The following CHMP5 variants were observed in gnomAD, a reference collection of about 807,000 sequenced individuals.
CHMP5 encodes the protein SNF7 domain containing 2.
Under a neutral mutation model 33.0 loss-of-function variants are expected in CHMP5, and 17 were observed. The observed-to-expected ratio is 0.52, with a 90% CI of 0.35 to 0.77. The LOEUF is 0.77. Among genes scored for constraint, CHMP5 ranks in the 30% least tolerant of loss-of-function variants. The pLI is 0.01. For missense variants in CHMP5, 216 were observed against 261.5 expected (o/e 0.83, Z 1.20); for synonymous variants, 76 against 90.2 (o/e 0.84, Z 0.89).
At position 33,266,053 on chromosome 9, in the gene CHMP5, T is replaced by G. The variant is rs1418455553; in HGVS notation, c.113T>G (p.Leu38Trp). The G allele has an allele frequency of 6.2e-7, 1 of 1,613,472 alleles. No individual in the cohort carries two copies. Among genetic ancestry groups the G allele is most frequent in the Admixed American group, 1.7e-5 (1 of 60,006 alleles). ...AESIDKKISR[L>W]DAELVKYKDQ... ...TCCATTGACAAGAAGATTTCTCGAT[T>G]GGATGCTGAGCTAGTGAAGTATAAG... The change falls in exon 2 of 8, where the codon TTG becomes TGG. Residue 38 changes from leucine to tryptophan, a missense_variant. Transcript: ENST00000223500.
intron 7 of CHMP5, among the ~76,000 whole-genome samples, chr9:33,280,459 A>G (rs1198799609): frequency 6.6e-6 from 1 of 152,242 alleles, no homozygotes; most frequent in African/African-American, 2.4e-5. Context: ...GTATTGGTCC[A>G]GAGTGAAAAT....
chr9:33,275,175 C>T (rs1011945745), intron 5 of CHMP5, among the ~76,000 whole-genome samples: 2 of 152,094 alleles, frequency 1.3e-5, no homozygotes, highest in African/African-American at 2.4e-5. Flanking sequence ...AAACGAGGAT[C>T]GAAAATATAG....
chr9:33,274,139 A>G (rs993633405), intron 5 of CHMP5, among the ~76,000 whole-genome samples: 1 of 151,784 alleles, frequency 6.6e-6, no homozygotes. Flanking sequence ...ATAGTGACTC[A>G]GTCTCAGCTC....
At chr9:33,272,337 G>A (rs1161697741) in intron 5 of CHMP5, among the ~76,000 whole-genome samples, 3 of 150,628 alleles carry the variant, frequency 2.0e-5, no homozygotes, top group African/African-American at 7.3e-5. Context: ...TGCCATGGTT[G>A]GTGCTCAGAA....
intron 7 of CHMP5, among the ~76,000 whole-genome samples, chr9:33,280,269 G>T (rs181201808): frequency 6.6e-6 from 1 of 152,118 alleles, no homozygotes; most frequent in Non-Finnish European, 1.5e-5. Flanking sequence ...GAGCCACCGC[G>T]CCCGGCCTGT....
At position 33,265,055 on chromosome 9, in the gene CHMP5, T is replaced by C; in HGVS notation, c.-24T>C. On this transcript the variant is annotated 5_prime_UTR_variant, in exon 1 of 8. Coordinates refer to ENST00000223500, the MANE Select transcript of CHMP5 (RefSeq NM_016410.6). ...CCGTTTCTGGTTTTGCTCTAGTGTT[T>C]GGGTTTCTTCGCGGCTGCTCAAGAT... The C allele has an allele frequency of 3.1e-6, 5 of 1,614,150 alleles. No individual in the cohort carries two copies. Among genetic ancestry groups the C allele is most frequent in the Non-Finnish European group, 4.2e-6 (5 of 1,179,950 alleles).
At chr9:33,277,426 C>T (rs1444349931) in intron 6 of CHMP5, among the ~76,000 whole-genome samples, 1 of 152,010 alleles carries the variant, frequency 6.6e-6, no homozygotes, top group Non-Finnish European at 1.5e-5. Flanking sequence ...TACTAAGGGA[C>T]TCTAACCTAG....
At chr9:33,276,619 T>C in intron 6 of CHMP5, 55 bp downstream of exon 6, 1 of 927,048 alleles carries the variant, frequency 1.1e-6, no homozygotes, top group South Asian at 1.4e-5. Context: ...AAGCAACAGC[T>C]GCCTGGGACC....
At chr9:33,268,280 G>A (rs910930490) in intron 3 of CHMP5, among the ~76,000 whole-genome samples, 1 of 152,096 alleles carries the variant, frequency 6.6e-6, no homozygotes, top group African/African-American at 2.4e-5. Context: ...TGTAGGGTTT[G>A]GTTTTCCTAT....
At chr9:33,274,718 C>T (rs959653120) in intron 5 of CHMP5, among the ~76,000 whole-genome samples, 2 of 152,128 alleles carry the variant, frequency 1.3e-5, no homozygotes, top group Non-Finnish European at 2.9e-5. Flanking sequence ...TGGGTTCAAA[C>T]GATTTTCCTG....
At chr9:33,266,184 C>G (rs1820720159) in intron 2 of CHMP5, 70 bp downstream of exon 2, 1 of 1,036,104 alleles carries the variant, frequency 9.7e-7, no homozygotes, top group Non-Finnish European at 1.5e-6. Flanking sequence ...GAAATAGGGC[C>G]TAGTTCGGCT....
At chr9:33,274,901 C>T (rs1001285661) in intron 5 of CHMP5, among the ~76,000 whole-genome samples, 1 of 152,190 alleles carries the variant, frequency 6.6e-6, no homozygotes, top group African/African-American at 2.4e-5. Context: ...CAGGCATGAG[C>T]CACCGCGCCT....
intron 5 of CHMP5, among the ~76,000 whole-genome samples, chr9:33,275,135 G>A (rs1007635246): frequency 5.9e-5 from 9 of 152,110 alleles, no homozygotes; most frequent in East Asian, 1.9e-4. Context: ...TGAACTGCAC[G>A]AGTCACTTAT....
rs1820758973 is a variant in CHMP5, at chr9:33,268,814, T to C, written c.221+915T>C. 2.0e-5 allele frequency among the ~76,000 whole-genome samples: 3 copies of C among 152,224 alleles called. No individual in the cohort carries two copies. The South Asian group carries it at 6.2e-4, about 32-fold the overall frequency. ...ATTCTTACTACTAGAAATAACCACC[T>C]TTAAAATGCTAATTTCTTCCAGTTT... On this transcript the variant is annotated intron_variant, in intron 3 of 7. Transcript: ENST00000223500.
chr9:33,277,211 AAAAG>A (rs1231562057), intron 6 of CHMP5, among the ~76,000 whole-genome samples: 1 of 151,756 alleles, frequency 6.6e-6, no homozygotes, highest in Non-Finnish European at 1.5e-5. Context: ...AAAAAAAAAA[AAAAG>A]AATAGTTGGC....
Position 33,265,053 on chromosome 9 carries a change from T to C in CHMP5, c.-26T>C, listed in dbSNP as rs1820688648. ...TTCCGTTTCTGGTTTTGCTCTAGTG[T>C]TTGGGTTTCTTCGCGGCTGCTCAAG... On this transcript the variant is annotated 5_prime_UTR_variant, in exon 1 of 8. Transcript: ENST00000223500. The C allele has an allele frequency of 1.2e-6, 2 of 1,613,988 alleles. No homozygotes were observed. The highest frequency in any genetic ancestry group is 1.7e-6 in the Non-Finnish European group (2 of 1,179,926).
intron 5 of CHMP5, among the ~76,000 whole-genome samples, chr9:33,271,487 T>A (rs1820794484): frequency 1.3e-5 from 2 of 152,234 alleles, no homozygotes; most frequent in Admixed American, 6.5e-5. Flanking sequence ...GAAAACTATA[T>A]GCATTCAGTA....
chr9:33,270,648 G>A lies in CHMP5; in HGVS notation c.247G>A (p.Ala83Thr), dbSNP rs1322989530. The change falls in exon 4 of 8, where the codon GCC becomes ACC. Residue 83 changes from alanine (A) to threonine (T), a missense_variant. Coordinates refer to ENST00000223500, the MANE Select transcript of CHMP5 (RefSeq NM_016410.6). ...GTATGAGCAGCAGCGGGACAATCTT[G>A]CCCAACAGTCATTCAACATGGAACA... ...RMYEQQRDNL[A>T]QQSFNMEQAN... 1 of 1,613,946 alleles carries A rather than the reference G, an allele frequency of 6.2e-7. No individual in the cohort carries two copies. The highest frequency in any genetic ancestry group is 1.7e-5 in the Admixed American group (1 of 59,982).
At position 33,281,071 on chromosome 9, in the gene CHMP5, GAAAAACGAACTCAGTT is replaced by G. The variant is rs1247149045; in HGVS notation, c.*213_*228del. On this transcript the variant is annotated 3_prime_UTR_variant, in exon 8 of 8. Transcript: ENST00000223500. Reference sequence around the variant, plus strand: ...AAAATTTGATTCCTTTTTTTCTTATGAAAAACGAACTCAGTTTAAAAGTATTTTTAGCTCGTATGAC... The same window carrying G: ...AAAATTTGATTCCTTTTTTTCTTATGTAAAAGTATTTTTAGCTCGTATGAC... 1 of 443,280 alleles carries G rather than the reference GAAAAACGAACTCAGTT, an allele frequency of 2.3e-6. No individual in the cohort carries two copies. Among genetic ancestry groups the G allele is most frequent in the Non-Finnish European group, 4.0e-6 (1 of 251,596 alleles). 27.5% of individuals were successfully genotyped at this position (443,280 alleles called of 1,614,324 possible).
Sources: gnomAD v4.1 joint callset for allele counts (sites outside exome capture counted in the v4.1 genomes callset) on GRCh38, gnomAD v4.1.1 for gene constraint, MANE v1.5 for transcripts, NCBI Gene and HGNC (gene_info 2026-07-23, HGNC 2026-07-21) for gene names.